The following SOX5 variants were observed in gnomAD, a reference collection of about 807,000 sequenced individuals.
The protein encoded by SOX5 is SRY-box transcription factor 5.
A neutral mutation model predicts 92.0 loss-of-function variants in SOX5; 9 were observed. The ratio of observed to expected loss-of-function variants is 0.10; its 90% CI spans 0.06 to 0.17. The LOEUF is 0.17. Among genes scored for constraint, SOX5 ranks in the 10% least tolerant of loss-of-function variants. The probability of loss-of-function intolerance (pLI) is 1.00; values close to 1 mark genes in which losing one functional copy is unlikely to be tolerated. For synonymous variants in SOX5, 344 were observed against 336.3 expected (o/e 1.02, Z -0.25); for missense variants, 642 against 944.5 (o/e 0.68, Z 4.20).
At chr12:23,623,051 C>T (rs2077366596) in intron 8 of SOX5, among the ~76,000 whole-genome samples, 1 of 152,004 alleles carries the variant, frequency 6.6e-6, no homozygotes, top group African/African-American at 2.4e-5. Flanking sequence ...ACTTTTAAAC[C>T]ATACAGGTCA....
intron 2 of SOX5, among the ~76,000 whole-genome samples, chr12:23,869,831 A>G (rs1355003599): frequency 1.3e-5 from 2 of 152,066 alleles, no homozygotes; most frequent in Non-Finnish European, 2.9e-5. Context: ...TACTCCCATG[A>G]CATATCTTAT....
intron 9 of SOX5, among the ~76,000 whole-genome samples, chr12:23,593,240 A>AG (rs1446821297): frequency 6.6e-6 from 1 of 152,224 alleles, no homozygotes; most frequent in Admixed American, 6.5e-5. Context: ...CACAGACTCT[A>AG]AACAATTCAG....
intron 10 of SOX5, among the ~76,000 whole-genome samples, chr12:23,564,386 A>G (rs961633110): frequency 6.6e-6 from 1 of 152,196 alleles, no homozygotes; most frequent in African/African-American, 2.4e-5. Flanking sequence ...TCTTTTAACT[A>G]GGGCATAAAA....
chr12:23,850,128 T>C (rs2136139212), intron 2 of SOX5, among the ~76,000 whole-genome samples: 1 of 152,176 alleles, frequency 6.6e-6, no homozygotes, highest in Admixed American at 6.5e-5. Flanking sequence ...CGGGTTGTGA[T>C]TTATAAAATA....
At chr12:24,296,011 A>T (rs1458154775) in intron 2 of SOX5, among the ~76,000 whole-genome samples, 1 of 152,200 alleles carries the variant, frequency 6.6e-6, no homozygotes, top group Non-Finnish European at 1.5e-5. Context: ...CCAGTGCATT[A>T]TTTTAGAATA....
chr12:23,562,718 T>C (rs1377790712), intron 11 of SOX5, among the ~76,000 whole-genome samples: 1 of 152,206 alleles, frequency 6.6e-6, no homozygotes, highest in African/African-American at 2.4e-5. Flanking sequence ...TTAGTTATAA[T>C]ACAAATAACG....
chr12:24,126,222 C>T (rs148960850), intron 4 of SOX5, among the ~76,000 whole-genome samples: 47 of 152,256 alleles, frequency 3.1e-4, no homozygotes, highest in African/African-American at 9.9e-4. Flanking sequence ...CCTTCCATGC[C>T]AATGCCTTCC....
At chr12:24,277,059 G>A (rs1458675166) in intron 3 of SOX5, among the ~76,000 whole-genome samples, 2 of 151,910 alleles carry the variant, frequency 1.3e-5, no homozygotes, top group Non-Finnish European at 2.9e-5. Context: ...GTTGTCATCT[G>A]AATATAAAAG....
intron 2 of SOX5, 62 bp downstream of exon 2, chr12:23,895,731 C>T: frequency 1.7e-6 from 2 of 1,167,766 alleles, no homozygotes; most frequent in East Asian, 2.3e-5. Context: ...TGAGGCCAAA[C>T]TATTAGAGGA....
At chr12:23,986,636 A>C (rs994868140) in intron 4 of SOX5, among the ~76,000 whole-genome samples, 6 of 152,194 alleles carry the variant, frequency 3.9e-5, no homozygotes, top group African/African-American at 1.4e-4. Flanking sequence ...TAAATAACAG[A>C]TTTGAATGAT....
At chr12:24,349,692 C>G (rs1022061714) in intron 2 of SOX5, among the ~76,000 whole-genome samples, 1 of 152,206 alleles carries the variant, frequency 6.6e-6, no homozygotes, top group African/African-American at 2.4e-5. Flanking sequence ...CCAATGGACA[C>G]TTTGGTTGCC....
chr12:24,317,930 C>T lies in SOX5; in HGVS notation c.-173-40618G>A, dbSNP rs117183396. Among the ~76,000 whole-genome samples, 15 of 152,232 alleles carry T rather than the reference C, an allele frequency of 9.9e-5. No individual in the cohort carries two copies. In the East Asian group the frequency reaches 2.9e-3, roughly 29 times the overall value. On this transcript the variant is annotated intron_variant, in intron 2 of 4. Coordinates refer to the SOX5 transcript ENST00000446891. ...ATATTAGGAATATAAATATTTCAGG[C>T]TGGGTGTTGGTGGCTCACGCCTGTA...
intron 3 of SOX5, among the ~76,000 whole-genome samples, chr12:24,259,377 C>A (rs185309703): frequency 6.6e-6 from 1 of 152,062 alleles, no homozygotes; most frequent in Non-Finnish European, 1.5e-5. Context: ...TACATATACA[C>A]GCATATTGAG....
At position 24,543,610 on chromosome 12, in the gene SOX5, C is replaced by T. The variant is rs1221646160; in HGVS notation, c.-251+18719G>A. ...GGCTGAGGTGGGAGAATCACTTGGA[C>T]CCAGGAGGCAGAGTTTGCAGTGAAC... On this transcript the variant is annotated intron_variant, in intron 1 of 4. Coordinates refer to the SOX5 transcript ENST00000446891. Among the ~76,000 whole-genome samples, 3 of 152,150 alleles carry T rather than the reference C, an allele frequency of 2.0e-5. No individual in the cohort carries two copies. In the East Asian group the frequency reaches 5.8e-4, roughly 29 times the overall value.
At chr12:23,885,423 C>T (rs73280148) in intron 2 of SOX5, among the ~76,000 whole-genome samples, 226 of 152,180 alleles carry the variant, frequency 1.5e-3, no homozygotes, top group African/African-American at 5.3e-3. Flanking sequence ...TTAGAGATAT[C>T]GACAAACAAG....
At chr12:23,994,662 G>A (rs1950871467) in intron 4 of SOX5, among the ~76,000 whole-genome samples, 1 of 152,090 alleles carries the variant, frequency 6.6e-6, no homozygotes, top group East Asian at 1.9e-4. Flanking sequence ...CCAGAGTGGG[G>A]CGTGGGAGGT....
At chr12:24,438,385 C>T (rs987637143) in intron 1 of SOX5, among the ~76,000 whole-genome samples, 4 of 151,794 alleles carry the variant, frequency 2.6e-5, no homozygotes, top group Admixed American at 6.6e-5. Context: ...ACCTATGTAA[C>T]GAAACTGCAC....
intron 1 of SOX5, among the ~76,000 whole-genome samples, chr12:23,903,064 A>G (rs1243852479): frequency 6.6e-6 from 1 of 152,182 alleles, no homozygotes; most frequent in Non-Finnish European, 1.5e-5. Context: ...ATACCTACTC[A>G]TCCATTTATC....
chr12:24,343,720 T>C (rs1952851467), intron 2 of SOX5, among the ~76,000 whole-genome samples: 2 of 152,122 alleles, frequency 1.3e-5, no homozygotes, highest in African/African-American at 4.8e-5. Flanking sequence ...GAATGAATGT[T>C]CCTGCCAAAA....
Sources: allele counts gnomAD v4.1 joint callset (sites outside exome capture counted in the v4.1 genomes callset), GRCh38; gene constraint gnomAD v4.1.1; transcripts MANE v1.5; gene names NCBI Gene and HGNC (gene_info 2026-07-23, HGNC 2026-07-21).